The following ANKRD18B variants were observed in gnomAD, a reference collection of about 807,000 sequenced individuals.
ANKRD18B encodes the protein ankyrin repeat domain 18B.
Under a neutral mutation model 111.8 loss-of-function variants are expected in ANKRD18B, and 75 were observed. The observed-to-expected ratio is 0.67, with a 90% confidence interval of 0.56 to 0.81. The LOEUF is 0.81. ANKRD18B is among the 40% of genes least tolerant of loss of function. The probability of loss-of-function intolerance (pLI) is 0.00; values close to 1 mark genes in which losing one functional copy is unlikely to be tolerated. For synonymous variants in ANKRD18B, 356 were observed against 417.3 expected (o/e 0.85, Z 1.79); for missense variants, 1,038 against 1,225.5 (o/e 0.85, Z 2.28).
intron 3 of ANKRD18B, among the ~76,000 whole-genome samples, chr9:33,531,232 G>T (rs533018671): frequency 2.5e-4 from 38 of 152,160 alleles, no homozygotes; most frequent in African/African-American, 9.2e-4. Flanking sequence ...AATTCTTGAG[G>T]TGGGTATTAT....
Position 33,555,456 on chromosome 9 carries a change from A to C in ANKRD18B, c.2218-252A>C, listed in dbSNP as rs968370728. 2.8e-4 allele frequency among the ~76,000 whole-genome samples: 43 copies of C among 152,336 alleles called. 1 individual carries two copies. Among genetic ancestry groups the C allele is most frequent in the African/African-American group, 1.0e-3 (42 of 41,588 alleles). ...TAACCCTTAGTACTTTATGTGTAAA[A>C]ACTCTCATTTTTAACAAACATTTTT... On this transcript the variant is annotated intron_variant, in intron 12 of 18. Transcript: ENST00000684830.
chr9:33,525,708 A>G (rs147117477), intron 1 of ANKRD18B, among the ~76,000 whole-genome samples: 3,398 of 151,484 alleles, frequency 0.022, 69 homozygotes, highest in Non-Finnish European at 0.037. Flanking sequence ...AAAAAAATTA[A>G]CAAAAGATAA....
intron 14 of ANKRD18B, among the ~76,000 whole-genome samples, chr9:33,562,353 G>A (rs1448714380): frequency 6.6e-6 from 1 of 151,340 alleles, no homozygotes; most frequent in African/African-American, 2.4e-5. Flanking sequence ...TTTCCACCTG[G>A]CATCTTGTTC....
At chr9:33,549,104 T>G (rs1409315725) in intron 11 of ANKRD18B, among the ~76,000 whole-genome samples, 1 of 152,168 alleles carries the variant, frequency 6.6e-6, no homozygotes. Flanking sequence ...CCTGGAGTGA[T>G]GAAAATGTTC....
chr9:33,531,488 A>AC (rs1012367755), intron 3 of ANKRD18B, among the ~76,000 whole-genome samples: 4 of 151,428 alleles, frequency 2.6e-5, no homozygotes, highest in African/African-American at 9.7e-5. Flanking sequence ...AGAAGTCTGG[A>AC]CCTCAGGCTT....
At chr9:33,526,310 A>T (rs1828025052) in intron 1 of ANKRD18B, among the ~76,000 whole-genome samples, 1 of 152,188 alleles carries the variant, frequency 6.6e-6, no homozygotes, top group Admixed American at 6.6e-5. Context: ...AACCCATAGA[A>T]TGGGTATGTG....
intron 16 of ANKRD18B, among the ~76,000 whole-genome samples, chr9:33,568,249 A>G (rs1358222382): frequency 1.3e-5 from 2 of 152,242 alleles, no homozygotes; most frequent in Non-Finnish European, 2.9e-5. Flanking sequence ...ATGTTTTCAT[A>G]TAATTATTTA....
At chr9:33,558,768 C>A (rs949257596) in intron 14 of ANKRD18B, among the ~76,000 whole-genome samples, 3 of 151,948 alleles carry the variant, frequency 2.0e-5, no homozygotes, top group Admixed American at 1.3e-4. Flanking sequence ...GATGGATAAA[C>A]CCAAATTCAG....
At position 33,572,402 on chromosome 9, in the gene ANKRD18B, C is replaced by T. The variant is rs1225323086; in HGVS notation, c.3310C>T (p.His1104Tyr). 2.5e-6 allele frequency: 4 copies of T among 1,586,082 alleles called. No individual in the cohort carries two copies. In the Admixed American group the frequency reaches 5.5e-5, roughly 22 times the overall value. The change falls in exon 19 of 19, where the codon CAT (histidine) becomes TAT (tyrosine). Residue 1104 changes from histidine to tyrosine, a missense_variant. Physicochemically the swap from His to Tyr is moderately conservative, Grantham distance 83. Around this residue, in one of 4 missense-constraint regions of ANKRD18B, gnomAD observed 524 missense variants for 677.9 expected, o/e 0.77. Transcript: ENST00000684830. Reference protein sequence around the residue: ...KPHLMKRIFNHKILRKSCMI With the variant: ...KPHLMKRIFNYKILRKSCMI ...ACATCTAATGAAGAGAATATTTAAC[C>T]ATAAAATCTTAAGGAAAAGTTGTAT...
At chr9:33,557,299 T>C (rs1335976432) in intron 13 of ANKRD18B, among the ~76,000 whole-genome samples, 1 of 152,168 alleles carries the variant, frequency 6.6e-6, no homozygotes, top group Non-Finnish European at 1.5e-5. Context: ...CTTGTGCTTT[T>C]TGGGTGTACT....
intron 14 of ANKRD18B, among the ~76,000 whole-genome samples, chr9:33,565,643 G>GA (rs978136073): frequency 6.6e-6 from 1 of 150,658 alleles, no homozygotes; most frequent in East Asian, 1.9e-4. Flanking sequence ...TTTTAAATTT[G>GA]TTTTTTTTTG....
intron 3 of ANKRD18B, among the ~76,000 whole-genome samples, 151 bp downstream of exon 3, chr9:33,529,324 T>C (rs1828077668): frequency 6.6e-6 from 1 of 152,238 alleles, no homozygotes; most frequent in African/African-American, 2.4e-5. Context: ...ATGTTGATAC[T>C]TTTAAAGGAG....
intron 12 of ANKRD18B, among the ~76,000 whole-genome samples, chr9:33,553,909 C>T (rs1033951550): frequency 4.0e-5 from 6 of 151,570 alleles, no homozygotes; most frequent in African/African-American, 1.5e-4. Flanking sequence ...GAAACCCTGT[C>T]TCTACTAAAA....
intron 3 of ANKRD18B, 150 bp downstream of exon 3, chr9:33,529,323 C>A: frequency 8.3e-7 from 1 of 1,199,232 alleles, no homozygotes; most frequent in Non-Finnish European, 1.1e-6. Context: ...AATGTTGATA[C>A]TTTTAAAGGA....
intron 12 of ANKRD18B, among the ~76,000 whole-genome samples, chr9:33,552,264 T>C (rs931334432): frequency 1.3e-5 from 2 of 152,206 alleles, no homozygotes; most frequent in Non-Finnish European, 2.9e-5. Flanking sequence ...TTTCTCAGTA[T>C]GAAAAAAGAA....
intron 14 of ANKRD18B, among the ~76,000 whole-genome samples, chr9:33,563,333 C>G (rs1487195524): frequency 6.6e-6 from 1 of 152,190 alleles, no homozygotes; most frequent in Non-Finnish European, 1.5e-5. Context: ...GTCTCTGCTC[C>G]CCTCAGCTTC....
chr9:33,571,261 GC>G lies in ANKRD18B; in HGVS notation c.3194del (p.Ala1065GlufsTer4). ...NSLTEMELDCAEQIITETKKT... is the reference protein window; with the variant it reads ...NSLTEMELDCXEQIITETKKT... Reference sequence around the variant, plus strand: ...CTTATTTTAGATGGAGCTGGACTGTGCAGAACAAATAATTACAGAAACAAAG... The same window carrying G: ...CTTATTTTAGATGGAGCTGGACTGTGAGAACAAATAATTACAGAAACAAAG... On this transcript the variant is annotated frameshift_variant, in exon 18 of 19. Transcript: ENST00000684830. LOFTEE classifies it low-confidence loss of function (END_TRUNC). 8.6e-7 allele frequency: 1 copy of G among 1,159,774 alleles called. No individual in the cohort carries two copies. Among genetic ancestry groups the G allele is most frequent in the African/African-American group, 1.7e-5 (1 of 60,238 alleles). The allele number at this position is 1,159,774 out of a possible 1,614,324, so 71.8% of individuals were successfully genotyped here. A position where few individuals can be genotyped will look rare whatever the true frequency, so the allele number is the denominator to read the frequency against.
intron 16 of ANKRD18B, 40 bp from the exon 17 acceptor site, chr9:33,568,631 A>G (rs899047907): frequency 5.5e-6 from 8 of 1,445,646 alleles, no homozygotes; most frequent in African/African-American, 1.4e-5. Flanking sequence ...CATTCAAGGT[A>G]AAATGAAATA....
intron 14 of ANKRD18B, among the ~76,000 whole-genome samples, chr9:33,563,369 A>T (rs973770833): frequency 9.9e-5 from 15 of 152,192 alleles, no homozygotes; most frequent in Non-Finnish European, 2.9e-5. Context: ...AAATTGAATC[A>T]TCTGAAGCTT....
Sources: gnomAD v4.1 joint callset for allele counts (sites outside exome capture counted in the v4.1 genomes callset) on GRCh38, gnomAD v4.1.1 for gene constraint, gnomAD v4.1.1 regional missense constraint, MANE v1.5 for transcripts, NCBI Gene and HGNC (gene_info 2026-07-23, HGNC 2026-07-21) for gene names.